Variants in HOMER2 observed in about 807,000 individuals in gnomAD.
HOMER2 encodes the protein homer protein homolog 2.
A neutral mutation model predicts 47.0 loss-of-function variants in HOMER2; 27 were observed. That is an observed-to-expected ratio of 0.57 (90% confidence interval 0.42 to 0.79). The LOEUF (loss-of-function observed/expected upper bound fraction) is 0.79, where lower values mean the gene tolerates loss of function less well. HOMER2 is among the 30% of genes least tolerant of loss of function. HOMER2 has a pLI of 0.00. For synonymous variants in HOMER2, 161 were observed against 163.8 expected (o/e 0.98, Z 0.13); for missense variants, 443 against 435.0 (o/e 1.02, Z -0.16).
chr15:82,850,619 T>C lies in HOMER2; in HGVS notation c.843+532A>G, dbSNP rs3784380. On this transcript the variant is annotated intron_variant, in intron 8 of 8. Coordinates refer to ENST00000450735, the MANE Select transcript of HOMER2 (RefSeq NM_004839.4). ...ATAAACAGAGACCTTTCTGAACATG[T>C]GCACAGGAAGCAGTTACCAATTCCA... Among the ~76,000 whole-genome samples, 1,429 of 152,346 alleles carry C rather than the reference T, an allele frequency of 9.4e-3. 29 individuals are homozygous for C. In the East Asian group the frequency reaches 0.1, roughly 11 times the overall value.
rs117156021 is a variant in HOMER2, at chr15:82,915,904, G to A, written c.6-23063C>T. 5.2e-3 allele frequency among the ~76,000 whole-genome samples: 792 copies of A among 152,286 alleles called. 4 individuals are homozygous for A. The highest frequency in any genetic ancestry group is 0.01 in the Admixed American group (159 of 15,296). On this transcript the variant is annotated intron_variant, in intron 1 of 8. Coordinates refer to ENST00000450735, the MANE Select transcript of HOMER2 (RefSeq NM_004839.4). The stretch of plus-strand genomic sequence containing the variant: ...TAAATTAAGTATGATATATCCGTGC[G>A]AAAAGTACCACTTGGCCTTTCAAAA...
In HOMER2 at chr15:82,854,654, A is replaced by AGTACATT; in HGVS notation, c.640_641insAATGTAC (p.Leu214GlnfsTer8). 6.2e-7 allele frequency: 1 copy of AGTACATT among 1,612,344 alleles called. No homozygotes were observed. Among genetic ancestry groups the AGTACATT allele is most frequent in the Non-Finnish European group, 8.5e-7 (1 of 1,179,492 alleles). On this transcript the variant is annotated frameshift_variant, in exon 6 of 9. Coordinates refer to ENST00000450735, the MANE Select transcript of HOMER2 (RefSeq NM_004839.4). LOFTEE classifies it high-confidence loss of function. The stretch of plus-strand genomic sequence containing the variant: ...ATCCACCGTACCCACCTTGTTGCGG[A>AGTACATT]GCCGGTCATTCTCATCACGGCAGAT...
At chr15:82,926,533 C>G (rs932935884) in intron 1 of HOMER2, 1 of 152,094 alleles carries the variant, frequency 6.6e-6, no homozygotes, top group Non-Finnish European at 1.5e-5. Context: ...ACTAAAAATA[C>G]AAAAATTAGC....
chr15:82,882,805 C>T (rs371268163), intron 2 of HOMER2, among the ~76,000 whole-genome samples: 29 of 152,102 alleles, frequency 1.9e-4, no homozygotes, highest in African/African-American at 6.8e-4. Flanking sequence ...CTTTGGCTGC[C>T]CACAGTTTAC....
chr15:82,834,707 C>T (rs1740940940), downstream of HOMER2: 1 of 152,590 alleles, frequency 6.6e-6, no homozygotes, highest in South Asian at 2.1e-4. Context: ...CCAAGCACTA[C>T]ATAAACTCAT....
At chr15:82,910,568 G>A (rs566175400) in intron 1 of HOMER2, among the ~76,000 whole-genome samples, 1 of 152,328 alleles carries the variant, frequency 6.6e-6, no homozygotes, top group African/African-American at 2.4e-5. Flanking sequence ...GCATTCTGGA[G>A]ATGTATAGAA....
At chr15:82,897,085 T>TTTTTTA in intron 1 of HOMER2, among the ~76,000 whole-genome samples, 1 of 149,566 alleles carries the variant, frequency 6.7e-6, no homozygotes, top group Admixed American at 6.7e-5. Context: ...TTTTTTTTTT[T>TTTTTTA]AGATGAAGTC....
At chr15:82,863,256 C>T (rs910411390) in intron 4 of HOMER2, among the ~76,000 whole-genome samples, 1 of 152,182 alleles carries the variant, frequency 6.6e-6, no homozygotes, top group Non-Finnish European at 1.5e-5. Context: ...TCTTTCTGCT[C>T]TCAGTCCCTC....
At position 82,859,012 on chromosome 15, in the gene HOMER2, C is replaced by T. The variant is rs2051683727; in HGVS notation, c.494+17G>A. The T allele has an allele frequency of 1.2e-6, 2 of 1,606,954 alleles. No homozygotes were observed. Among genetic ancestry groups the T allele is most frequent in the African/African-American group, 2.7e-5 (2 of 74,740 alleles). On this transcript the variant is annotated intron_variant, in intron 5 of 8. Coordinates refer to ENST00000450735, the MANE Select transcript of HOMER2 (RefSeq NM_004839.4). Reference sequence around the variant, plus strand: ...GAAGGTGGAGAAAATAGAATCTGGACTTTAAAACAGCCTTACCTCTGCGTC... The same window carrying T: ...GAAGGTGGAGAAAATAGAATCTGGATTTTAAAACAGCCTTACCTCTGCGTC...
chr15:82,928,939 CT>C (rs2053924917), intron 1 of HOMER2, among the ~76,000 whole-genome samples: 1 of 18,696 alleles, frequency 5.3e-5, no homozygotes, highest in Admixed American at 6.5e-4. Context: ...AAAATAAAAA[CT>C]AAAAAAAAAA....
chr15:82,863,179 T>C (rs1001981102), intron 4 of HOMER2, among the ~76,000 whole-genome samples: 1 of 152,066 alleles, frequency 6.6e-6, no homozygotes, highest in Non-Finnish European at 1.5e-5. Context: ...CAACCTGTCC[T>C]CATTTGCAAC....
intron 4 of HOMER2, among the ~76,000 whole-genome samples, chr15:82,859,621 G>T (rs1476786959): frequency 6.6e-6 from 1 of 152,172 alleles, no homozygotes; most frequent in East Asian, 1.9e-4. Flanking sequence ...GCTATGGAGA[G>T]TTAGATCAAC....
intron 1 of HOMER2, among the ~76,000 whole-genome samples, chr15:82,898,139 C>T (rs1205148891): frequency 1.3e-5 from 2 of 152,190 alleles, no homozygotes; most frequent in Non-Finnish European, 2.9e-5. Flanking sequence ...AACAACAAAT[C>T]TTAACACCTT....
chr15:82,980,705 A>G (rs2030362778), intron 1 of HOMER2, among the ~76,000 whole-genome samples: 2 of 152,216 alleles, frequency 1.3e-5, no homozygotes, highest in Admixed American at 6.5e-5. Flanking sequence ...CAAAGTGAGA[A>G]GGTTTAAAGG....
chr15:82,892,758 T>C lies in HOMER2; in HGVS notation c.89A>G (p.Gln30Arg), dbSNP rs189123186. 2.7e-5 allele frequency: 43 copies of C among 1,607,076 alleles called. No individual in the cohort carries two copies. In the African/African-American group the frequency reaches 4.4e-4, roughly 16 times the overall value. ...ATAGAAGTAGGAAACGGTGACCGCC[T>C]GCTTGCTCGCAGGCATCCAGTTCTT... ...TKKNWMPASK[Q>R]AVTVSYFYDV... The change falls in exon 2 of 9, where the codon CAG (glutamine) becomes CGG (arginine). Residue 30 changes from glutamine (Q) to arginine (R), a missense_variant. By Grantham distance (43) the Gln-to-Arg change is conservative (BLOSUM62 1). Coordinates refer to ENST00000450735, the MANE Select transcript of HOMER2 (RefSeq NM_004839.4).
At chr15:82,966,822 C>A (rs983891291) in intron 1 of HOMER2, among the ~76,000 whole-genome samples, 1 of 152,186 alleles carries the variant, frequency 6.6e-6, no homozygotes, top group African/African-American at 2.4e-5. Flanking sequence ...CTAATAGCAT[C>A]TTGTCCAACT....
chr15:82,854,579 G>A, intron 6 of HOMER2, 65 bp downstream of exon 6: 2 of 1,511,048 alleles, frequency 1.3e-6, no homozygotes, highest in South Asian at 1.2e-5. Context: ...AAGGGTTGTG[G>A]GTGCCCCCAT....
At chr15:82,840,662 C>A in exon 2 of HOMER2, 1 of 152,122 alleles carries the variant, frequency 6.6e-6, no homozygotes, top group Non-Finnish European at 1.5e-5. Flanking sequence ...TTGTGAACTC[C>A]TGGGCTCAAG....
At chr15:82,895,172 T>C (rs1368187752) in intron 1 of HOMER2, among the ~76,000 whole-genome samples, 2 of 152,234 alleles carry the variant, frequency 1.3e-5, no homozygotes, top group Non-Finnish European at 2.9e-5. Context: ...CCTTGCTCCC[T>C]GAAACTTCCC....
Sources: allele counts gnomAD v4.1 joint callset (sites outside exome capture counted in the v4.1 genomes callset), GRCh38; gene constraint gnomAD v4.1.1; transcripts MANE v1.5; gene names NCBI Gene and HGNC (gene_info 2026-07-23, HGNC 2026-07-21).